SLC25A12: variants seen among roughly 807,000 people sequenced by gnomAD.
SLC25A12 encodes electrogenic aspartate/glutamate antiporter SLC25A12, mitochondrial.
SLC25A12 carries 32 observed loss-of-function variants against 83.3 expected under a neutral mutation model. The ratio of observed to expected loss-of-function variants is 0.38; its 90% CI spans 0.29 to 0.52. The LOEUF is 0.52. Among genes scored for constraint, SLC25A12 ranks in the 20% least tolerant of loss-of-function variants. The pLI, the probability that SLC25A12 is intolerant of heterozygous loss-of-function variation, is 0.84. For synonymous variants in SLC25A12, 267 were observed against 291.1 expected (o/e 0.92, Z 0.84); for missense variants, 611 against 835.6 (o/e 0.73, Z 3.31).
At chr2:171,816,033 T>C (rs2105866003) in intron 9 of SLC25A12, among the ~76,000 whole-genome samples, 1 of 151,678 alleles carries the variant, frequency 6.6e-6, no homozygotes, top group Middle Eastern at 3.4e-3. Context: ...AATTTTATAT[T>C]TCACTTATTA....
intron 3 of SLC25A12, among the ~76,000 whole-genome samples, chr2:171,867,101 T>C (rs1342175825): frequency 1.2e-4 from 17 of 144,350 alleles, no homozygotes; most frequent in Non-Finnish European, 2.6e-4. Flanking sequence ...CGCTCCTCAC[T>C]TCCTAGATGG....
chr2:171,846,950 G>A (rs1476469828), intron 4 of SLC25A12, among the ~76,000 whole-genome samples: 2 of 152,096 alleles, frequency 1.3e-5, no homozygotes, highest in African/African-American at 4.8e-5. Flanking sequence ...TAAGATCTTA[G>A]AATGTCTCTG....
At chr2:171,888,572 G>A (rs557660893) in intron 2 of SLC25A12, among the ~76,000 whole-genome samples, 1 of 151,968 alleles carries the variant, frequency 6.6e-6, no homozygotes, top group Non-Finnish European at 1.5e-5. Context: ...TTCCCTAGTA[G>A]CTGAGATTAC....
chr2:171,826,942 A>T (rs182034007), intron 8 of SLC25A12, 60 bp from the exon 9 acceptor site: 19 of 872,150 alleles, frequency 2.2e-5, no homozygotes, highest in Middle Eastern at 2.3e-4. Context: ...CGCCAAAATC[A>T]TCTTTTCTCA....
chr2:171,811,790 G>T (rs1683949989), intron 11 of SLC25A12, among the ~76,000 whole-genome samples: 1 of 152,068 alleles, frequency 6.6e-6, no homozygotes, highest in Non-Finnish European at 1.5e-5. Context: ...TCTTCTGTAA[G>T]CATCTATCCA....
chr2:171,826,088 T>C (rs1362769694), intron 9 of SLC25A12, among the ~76,000 whole-genome samples: 1 of 152,236 alleles, frequency 6.6e-6, no homozygotes, highest in Non-Finnish European at 1.5e-5. Flanking sequence ...TCCCAGTGAA[T>C]GATTTATTTA....
chr2:171,810,084 G>A (rs1023217292), intron 12 of SLC25A12, 140 bp downstream of exon 12: 4 of 732,386 alleles, frequency 5.5e-6, no homozygotes, highest in Non-Finnish European at 1.0e-5. Context: ...TGCTGGTTTA[G>A]AACTGGTCTC....
intron 2 of SLC25A12, chr2:171,871,658 C>T: frequency 4.3e-6 from 4 of 928,128 alleles, no homozygotes; most frequent in Non-Finnish European, 5.1e-6. Context: ...CCTAGTTTCC[C>T]TGTCCCAAGT....
intron 8 of SLC25A12, among the ~76,000 whole-genome samples, chr2:171,832,528 T>C (rs1450078503): frequency 6.6e-6 from 1 of 152,234 alleles, no homozygotes; most frequent in Non-Finnish European, 1.5e-5. Flanking sequence ...TGTACACTTG[T>C]ATATTTACCC....
At position 171,862,562 on chromosome 2, in the gene SLC25A12, C is replaced by T. The variant is rs552306221; in HGVS notation, c.209+6119G>A. ...GGAGATGGGGAACAAGAGAGAGGAACAGTTAACATCCCGGAAAACATGGGG... is the reference window on the plus strand; with the variant it reads ...GGAGATGGGGAACAAGAGAGAGGAATAGTTAACATCCCGGAAAACATGGGG... On this transcript the variant is annotated intron_variant, in intron 3 of 17. Coordinates refer to ENST00000422440, the MANE Select transcript of SLC25A12 (RefSeq NM_003705.5). 3.8e-4 allele frequency among the ~76,000 whole-genome samples: 58 copies of T among 152,256 alleles called. No homozygotes were observed. The Middle Eastern group carries it at 0.014, about 36-fold the overall frequency.
intron 2 of SLC25A12, among the ~76,000 whole-genome samples, chr2:171,885,311 T>G (rs975006437): frequency 2.6e-5 from 4 of 152,028 alleles, no homozygotes; most frequent in Admixed American, 6.6e-5. Context: ...CCTGCTAGTC[T>G]GCCTTTAATG....
At position 171,791,491 on chromosome 2, in the gene SLC25A12, G is replaced by C. The variant is rs746499102; in HGVS notation, c.1545C>G (p.His515Gln). The change falls in exon 15 of 18, where the codon CAC (histidine) becomes CAG (glutamine). Residue 515 changes from histidine to glutamine, a missense_variant. This residue lies in a region of SLC25A12 where 540 missense variants were observed against 777.5 expected (regional missense o/e 0.69). Coordinates refer to ENST00000422440, the MANE Select transcript of SLC25A12 (RefSeq NM_003705.5). Reference sequence around the variant, plus strand: ...CTGCAAGAAGATTTAAACCTCCCACGTGTCCATTTTCATCAGCCAGAAGTA... The same window carrying C: ...CTGCAAGAAGATTTAAACCTCCCACCTGTCCATTTTCATCAGCCAGAAGTA... ...CKLLLADENG[H>Q]VGGLNLLAAG... is the part of the protein sequence containing the mutation. 24 of 1,613,966 alleles carry C rather than the reference G, an allele frequency of 1.5e-5. No individual in the cohort carries two copies. Among genetic ancestry groups the C allele is most frequent in the Non-Finnish European group, 1.9e-5 (22 of 1,179,934 alleles).
chr2:171,807,187 C>T (rs755820735), intron 13 of SLC25A12, among the ~76,000 whole-genome samples: 4 of 152,132 alleles, frequency 2.6e-5, no homozygotes, highest in Admixed American at 6.5e-5. Context: ...AAGCAGAAAA[C>T]GTTTGTGGTG....
At chr2:171,794,833 T>A (rs987423331) in intron 13 of SLC25A12, among the ~76,000 whole-genome samples, 5 of 152,206 alleles carry the variant, frequency 3.3e-5, no homozygotes, top group Non-Finnish European at 7.3e-5. Flanking sequence ...TATAATCACA[T>A]GTGAAATATG....
chr2:171,834,245 T>C, intron 7 of SLC25A12, 189 bp from the exon 8 acceptor site: 1 of 551,444 alleles, frequency 1.8e-6, no homozygotes, highest in East Asian at 3.1e-5. Context: ...TGGTAAAAGA[T>C]AAAATGTTAA....
intron 13 of SLC25A12, among the ~76,000 whole-genome samples, chr2:171,806,684 G>GA (rs1325346391): frequency 6.6e-5 from 10 of 151,992 alleles, no homozygotes; most frequent in Non-Finnish European, 8.8e-5. Context: ...CTTCCTCTGG[G>GA]AAAAAAAGCC....
At chr2:171,826,041 T>C (rs1355333394) in intron 9 of SLC25A12, among the ~76,000 whole-genome samples, 1 of 152,218 alleles carries the variant, frequency 6.6e-6, no homozygotes, top group Non-Finnish European at 1.5e-5. Context: ...TTTCACTAAT[T>C]ACTTTTTTTT....
chr2:171,790,028 A>C (rs1340228321), intron 15 of SLC25A12, among the ~76,000 whole-genome samples: 1 of 152,122 alleles, frequency 6.6e-6, no homozygotes, highest in East Asian at 1.9e-4. Context: ...GCTAGAGGAG[A>C]AAGGACTTGC....
chr2:171,875,361 C>G (rs1337341081), intron 2 of SLC25A12, among the ~76,000 whole-genome samples: 1 of 152,174 alleles, frequency 6.6e-6, no homozygotes, highest in East Asian at 1.9e-4. Context: ...TTCATTCTTT[C>G]CTTGCTTTGC....
Sources: gnomAD v4.1 joint callset for allele counts (sites outside exome capture counted in the v4.1 genomes callset) on GRCh38, gnomAD v4.1.1 for gene constraint, gnomAD v4.1.1 regional missense constraint, MANE v1.5 for transcripts, NCBI Gene and HGNC (gene_info 2026-07-23, HGNC 2026-07-21) for gene names.